The following CARNS1 variants were observed in gnomAD, a reference collection of about 807,000 sequenced individuals.
CARNS1 encodes carnosine synthase 1.
In CARNS1, 61 loss-of-function variants were observed where a neutral mutation model predicts 74.0. That is an observed-to-expected ratio of 0.82 (90% CI 0.67 to 1.02). The LOEUF (loss-of-function observed/expected upper bound fraction) is 1.02. CARNS1 is among the 50% of genes least tolerant of loss of function. CARNS1 has a pLI of 0.00. For missense variants in CARNS1, 1,278 were observed against 1,308.4 expected (o/e 0.98, Z 0.36); for synonymous variants, 568 against 605.5 (o/e 0.94, Z 0.91).
intron 9 of CARNS1, among the ~76,000 whole-genome samples, chr11:67,422,171 CTTTTTTTTTTTTT>C (rs35293042): frequency 0.052 from 3,820 of 72,822 alleles, 153 homozygotes; most frequent in African/African-American, 0.17. Context: ...CGCGCCCGGC[CTTTTTTTTTTTTT>C]TTTTTTTTTT....
intron 3 of CARNS1, 31 bp from the exon 4 acceptor site, chr11:67,418,399 CT>C (rs1565134658): frequency 1.4e-6 from 2 of 1,419,550 alleles, no homozygotes; most frequent in Non-Finnish European, 9.2e-7. Flanking sequence ...AAGGGCGCCC[CT>C]GGTGAGCTGG....
intron 9 of CARNS1, among the ~76,000 whole-genome samples, chr11:67,421,732 G>A (rs1025724530): frequency 6.6e-6 from 1 of 152,108 alleles, no homozygotes; most frequent in African/African-American, 2.4e-5. Context: ...ACTTGTTTTT[G>A]TTTTTTCTTT....
At position 67,420,925 on chromosome 11, in the gene CARNS1, C is replaced by T. The variant is rs1863679347; in HGVS notation, c.1346-14C>T. 7 of 1,375,266 alleles carry T rather than the reference C, an allele frequency of 5.1e-6. No homozygotes were observed. Among genetic ancestry groups the T allele is most frequent in the Non-Finnish European group, 6.6e-6 (7 of 1,066,770 alleles). 85.2% of individuals were successfully genotyped at this position (1,375,266 alleles called of 1,614,324 possible). A position where few individuals can be genotyped will look rare whatever the true frequency, so the allele number is the denominator to read the frequency against. On this transcript the variant is annotated splice_polypyrimidine_tract_variant and intron_variant, in intron 8 of 9. Coordinates refer to ENST00000687366, the MANE Select transcript of CARNS1 (RefSeq NM_001166222.2). ...GGCTGCCGTAGCTGAGCTCGCGCCT[C>T]CCGCCCGGCGCAGGCGTGGATTTCG...
rs773007396 is a variant in CARNS1 at position 67,424,182 on chromosome 11, G to T, written c.2434G>T (p.Glu812Ter). 6.2e-7 allele frequency: 1 copy of T among 1,613,900 alleles called. No individual in the cohort carries two copies. Among genetic ancestry groups the T allele is most frequent in the East Asian group, 2.2e-5 (1 of 44,878 alleles). ...GACCGGGGCTGGGCCTCGGCTTATCGAGATCAACCCCCGCATGGGTGGCTT... is the reference window on the plus strand; with the variant it reads ...GACCGGGGCTGGGCCTCGGCTTATCTAGATCAACCCCCGCATGGGTGGCTT... The part of the protein sequence containing the change: ...KLTGAGPRLI[E>*]INPRMGGFYL... The change falls in exon 10 of 10, where the codon GAG (glutamate) becomes TAG (stop). Residue 812 changes from glutamate (E) to a stop codon, truncating the protein, a stop_gained. Coordinates refer to ENST00000687366, the MANE Select transcript of CARNS1 (RefSeq NM_001166222.2). LOFTEE classifies it high-confidence loss of function.
Position 67,419,183 on chromosome 11 carries a change from G to C in CARNS1, c.792G>C (p.Thr264=), listed in dbSNP as rs749985390. The C allele has an allele frequency of 6.5e-7, 1 of 1,528,002 alleles. No individual in the cohort carries two copies. 94.7% of individuals were successfully genotyped at this position (1,528,002 alleles called of 1,614,324 possible). ...VELSGKEGQE[T]LVKEEVEAFL... ...TGAGTGGCAAAGAGGGCCAGGAGAC[G>C]CTGGTGAAAGAGGAAGTGGAGGCTT... The change falls in exon 5 of 10, where the codon ACG becomes ACC. Residue 264 remains threonine (T), a synonymous_variant. Coordinates refer to ENST00000687366, the MANE Select transcript of CARNS1 (RefSeq NM_001166222.2).
In CARNS1 at chr11:67,423,862, T is replaced by G. The variant is rs760237013; in HGVS notation, c.2114T>G (p.Leu705Trp). 2.5e-6 allele frequency: 4 copies of G among 1,613,144 alleles called. No homozygotes were observed. In the East Asian group the frequency reaches 8.9e-5, roughly 36 times the overall value. Residue 705 changes from leucine (L) to tryptophan (W), a missense_variant, in exon 10 of 10, where the codon TTG becomes TGG. Around this residue, in one of 3 missense-constraint regions of CARNS1, gnomAD observed 1,164 missense variants for 1,156.5 expected, o/e 1.01. Transcript: ENST00000687366. The surrounding 1 kb of genome is among the most constrained non-coding windows in gnomAD (Gnocchi z 5.1). ...HEHFSRITRDLQGEADHPGIG... is the reference protein window; with the variant it reads ...HEHFSRITRDWQGEADHPGIG... ...CACTTTTCCCGGATTACCCGAGACT[T>G]GCAGGGCGAGGCCGACCACCCAGGC...
Position 67,423,321 on chromosome 11 carries a change from C to G in CARNS1, c.1627-54C>G. 1 of 1,555,662 alleles carries G rather than the reference C, an allele frequency of 6.4e-7. No homozygotes were observed. On this transcript the variant is annotated intron_variant, in intron 9 of 9. Coordinates refer to ENST00000687366, the MANE Select transcript of CARNS1 (RefSeq NM_001166222.2). The surrounding 1 kb of genome is among the most constrained non-coding windows in gnomAD (Gnocchi z 5.1). ...GCCATCCTAGGCCCCATCCTATCCCCCTAGCACCCAGTACTAGCTGACCTG... is the reference window on the plus strand; with the variant it reads ...GCCATCCTAGGCCCCATCCTATCCCGCTAGCACCCAGTACTAGCTGACCTG...
chr11:67,421,010 TG>T lies in CARNS1; in HGVS notation c.1418del (p.Cys473PhefsTer94). On this transcript the variant is annotated frameshift_variant, in exon 9 of 10. Coordinates refer to ENST00000687366, the MANE Select transcript of CARNS1 (RefSeq NM_001166222.2). LOFTEE classifies it high-confidence loss of function. Reference protein sequence around the residue: ...PVALELNGGLCLEACGALEGL... With the variant: ...PVALELNGGLXLEACGALEGL... ...GGCCCTGGAGCTGAACGGCGGCCTG[TG>T]TCTGGAGGCGTGCGGCGCGCTGGAG... The T allele has an allele frequency of 7.2e-7, 1 of 1,390,194 alleles. No individual in the cohort carries two copies. Among genetic ancestry groups the T allele is most frequent in the African/African-American group, 1.5e-5 (1 of 65,812 alleles). The allele number at this position is 1,390,194 out of a possible 1,614,324, so 86.1% of individuals were successfully genotyped here. A position where few individuals can be genotyped will look rare whatever the true frequency, so the allele number is the denominator to read the frequency against.
intron 9 of CARNS1, among the ~76,000 whole-genome samples, chr11:67,422,245 G>A (rs918057819): frequency 5.0e-5 from 7 of 138,710 alleles, no homozygotes; most frequent in Non-Finnish European, 9.1e-5. Context: ...GTGGAATGGC[G>A]CAATCTCGGC....
In CARNS1 at chr11:67,420,577, G is replaced by A. The variant is rs926965642; in HGVS notation, c.1114-32G>A. 14 of 1,196,784 alleles carry A rather than the reference G, an allele frequency of 1.2e-5. No homozygotes were observed. The African/African-American group carries it at 1.6e-4, about 13-fold the overall frequency. 74.1% of individuals were successfully genotyped at this position (1,196,784 alleles called of 1,614,324 possible). A position where few individuals can be genotyped will look rare whatever the true frequency, so the allele number is the denominator to read the frequency against. ...GGTGTGCGTGGGGGGCAGGGAGTGT[G>A]TGGGCCTCCCCCTGAGTCTCCCCCT... is the stretch of plus-strand genomic sequence containing the variant. On this transcript the variant is annotated intron_variant, in intron 7 of 9. Transcript: ENST00000687366.
Position 67,417,451 on chromosome 11 carries a change from C to G in CARNS1, c.48C>G (p.Gly16=), listed in dbSNP as rs983737350. 10 of 1,439,202 alleles carry G rather than the reference C, an allele frequency of 6.9e-6. No individual in the cohort carries two copies. In the African/African-American group the frequency reaches 1.5e-4, roughly 21 times the overall value. The allele number at this position is 1,439,202 out of a possible 1,614,324, so 89.2% of individuals were successfully genotyped here. The part of the protein sequence containing the change: ...PSGPEWDCPL[G]SKDLEEEGPW... ...GTCCCGAGTGGGATTGCCCACTGGG[C>G]TCCAAGGACCTGGAGGAAGAGGGCC... The change falls in exon 3 of 10, where the codon GGC becomes GGG. Residue 16 remains glycine, a synonymous_variant. Coordinates refer to ENST00000687366, the MANE Select transcript of CARNS1 (RefSeq NM_001166222.2).
At chr11:67,421,319 C>A (rs1863698895) in intron 9 of CARNS1, 100 bp downstream of exon 9, 6 of 1,227,718 alleles carry the variant, frequency 4.9e-6, no homozygotes, top group African/African-American at 1.6e-5. Context: ...GTCCTTGGGG[C>A]GGGACCAGCC....
chr11:67,418,746 C>A lies in CARNS1; in HGVS notation c.365-10C>A. 3.8e-6 allele frequency: 6 copies of A among 1,570,874 alleles called. No homozygotes were observed. Among genetic ancestry groups the A allele is most frequent in the South Asian group, 1.2e-5 (1 of 84,982 alleles). On this transcript the variant is annotated splice_polypyrimidine_tract_variant and intron_variant, in intron 4 of 9. Coordinates refer to ENST00000687366, the MANE Select transcript of CARNS1 (RefSeq NM_001166222.2). Reference sequence around the variant, plus strand: ...TTCCCTGGCCAGCCACTTGCCTTCTCTGCCCACAGGAAACATGCTCCTTTG... The same window carrying A: ...TTCCCTGGCCAGCCACTTGCCTTCTATGCCCACAGGAAACATGCTCCTTTG...
chr11:67,418,945 G>C lies in CARNS1; in HGVS notation c.554G>C (p.Arg185Pro). 6.3e-7 allele frequency: 1 copy of C among 1,575,416 alleles called. No individual in the cohort carries two copies. Among genetic ancestry groups the C allele is most frequent in the Non-Finnish European group, 8.6e-7 (1 of 1,160,630 alleles). Residue 185 changes from arginine (R) to proline (P), a missense_variant, in exon 5 of 10, where the codon CGG (arginine) becomes CCG (proline). This residue lies in a region of CARNS1 where 1,164 missense variants were observed against 1,156.5 expected (regional missense o/e 1.01). Transcript: ENST00000687366. The stretch of plus-strand genomic sequence containing the variant: ...GCAGGCCTGGGCCTGGGGCCTGGCC[G>C]GGGCCGAGAGGCAGCAGAACTCGCC... ...FLAGLGLGPG[R>P]GREAAELARD...
intron 9 of CARNS1, among the ~76,000 whole-genome samples, chr11:67,422,826 G>C (rs1565138087): frequency 6.6e-6 from 1 of 152,224 alleles, no homozygotes; most frequent in Non-Finnish European, 1.5e-5. Context: ...TTACTTTGCA[G>C]AGAGCCACCC....
intron 3 of CARNS1, 63 bp downstream of exon 3, chr11:67,417,740 T>A: frequency 8.7e-7 from 1 of 1,145,848 alleles, no homozygotes; most frequent in Admixed American, 4.2e-5. Context: ...CAGCCCAGTC[T>A]GCTTGCTCAT....
In CARNS1 at chr11:67,425,084, G is replaced by A. The variant is rs1626067; in HGVS notation, c.*483G>A. On this transcript the variant is annotated 3_prime_UTR_variant, in exon 10 of 10. Transcript: ENST00000687366. Reference sequence around the variant, plus strand: ...CTTACCCAAATTCTAGGATAGCTCTGAAGCCTGCTGGAAACTTGGTGGCAT... The same window carrying A: ...CTTACCCAAATTCTAGGATAGCTCTAAAGCCTGCTGGAAACTTGGTGGCAT... 0.41 allele frequency: 186,493 copies of A among 457,834 alleles called. 43,115 individuals carry two copies. The highest frequency in any genetic ancestry group is 0.78 in the African/African-American group (39,004 of 50,170). The allele number at this position is 457,834 out of a possible 1,614,324, so 28.4% of individuals were successfully genotyped here.
intron 2 of CARNS1, chr11:67,416,872 G>T: frequency 1.0e-6 from 1 of 986,536 alleles, no homozygotes. Context: ...CCCAGGGCTG[G>T]GCACACAGTA....
rs749115581 is a variant in CARNS1, at chr11:67,419,785, C to T, written c.1060C>T (p.Arg354Ter). 5.7e-5 allele frequency: 92 copies of T among 1,603,816 alleles called. No homozygotes were observed. Among genetic ancestry groups the T allele is most frequent in the Non-Finnish European group, 7.5e-5 (88 of 1,175,710 alleles). Reference protein sequence around the residue: ...GPSPGPGLAVRICAVVCRTQG... With the variant: ...GPSPGPGLAV ...TTCACCCGGCCCCGGCCTGGCCGTGCGAATCTGTGCTGTGGTGTGTCGGAC... is the reference window on the plus strand; with the variant it reads ...TTCACCCGGCCCCGGCCTGGCCGTGTGAATCTGTGCTGTGGTGTGTCGGAC... The change falls in exon 7 of 10, where the codon CGA becomes TGA. Residue 354 changes from arginine to a stop codon, truncating the protein, a stop_gained. Transcript: ENST00000687366. LOFTEE classifies it high-confidence loss of function.
Sources: gnomAD v4.1 joint callset for allele counts (sites outside exome capture counted in the v4.1 genomes callset) on GRCh38, gnomAD v4.1.1 for gene constraint, gnomAD v4.1.1 regional missense constraint, Gnocchi (gnomAD v3.1) non-coding constraint, MANE v1.5 for transcripts, NCBI Gene and HGNC (gene_info 2026-07-23, HGNC 2026-07-21) for gene names.